ALK: variants seen among roughly 807,000 people sequenced by gnomAD.
ALK encodes ALK tyrosine kinase receptor.
In ALK, 74 loss-of-function variants were observed where a neutral mutation model predicts 163.1. The ratio of observed to expected loss-of-function variants is 0.45; its 90% CI spans 0.38 to 0.55. ALK has a LOEUF of 0.55. ALK is among the 20% of genes least tolerant of loss of function. ALK has a pLI of 0.00. For synonymous variants in ALK, 960 were observed against 843.2 expected (o/e 1.14, Z -2.40); for missense variants, 2,063 against 2,105.3 (o/e 0.98, Z 0.39).
intron 3 of ALK, among the ~76,000 whole-genome samples, chr2:29,547,792 C>A (rs1673596243): frequency 6.6e-6 from 1 of 152,108 alleles, no homozygotes; most frequent in Non-Finnish European, 1.5e-5. Context: ...ATAGGAACAG[C>A]CATGTGACAC....
chr2:29,318,981 A>G (rs1666922195), intron 7 of ALK: 1 of 158,240 alleles, frequency 6.3e-6, no homozygotes, highest in African/African-American at 2.4e-5. Flanking sequence ...CCTGAAGCAC[A>G]CTGGCCTCCC....
At chr2:29,491,629 A>G (rs1449255643) in intron 4 of ALK, among the ~76,000 whole-genome samples, 1 of 152,220 alleles carries the variant, frequency 6.6e-6, no homozygotes, top group Non-Finnish European at 1.5e-5. Context: ...TGAGGAGAGG[A>G]GTGTCTCAGC....
chr2:29,269,288 G>T (rs80293761), intron 11 of ALK, among the ~76,000 whole-genome samples: 7,940 of 152,264 alleles, frequency 0.052, 247 homozygotes, highest in Middle Eastern at 0.078. Flanking sequence ...CCAGCCTCCA[G>T]TTCCACCCTG....
intron 1 of ALK, among the ~76,000 whole-genome samples, chr2:29,801,099 A>T (rs1013439130): frequency 5.9e-5 from 9 of 152,176 alleles, no homozygotes; most frequent in Admixed American, 2.0e-4. Flanking sequence ...CACAACCTTC[A>T]ACCTATGGAA....
At chr2:29,639,633 A>G (rs17008372) in intron 3 of ALK, among the ~76,000 whole-genome samples, 1,976 of 152,308 alleles carry the variant, frequency 0.013, 40 homozygotes, top group African/African-American at 0.046. Context: ...ATAGGCTTCT[A>G]CAGTTACAAA....
chr2:29,498,725 G>A (rs1203723858), intron 4 of ALK, among the ~76,000 whole-genome samples: 1 of 152,248 alleles, frequency 6.6e-6, no homozygotes, highest in African/African-American at 2.4e-5. Flanking sequence ...GAAGCTGTTT[G>A]TGCTCACAGC....
chr2:29,741,869 G>A (rs1008905564), intron 1 of ALK, among the ~76,000 whole-genome samples: 1 of 152,192 alleles, frequency 6.6e-6, no homozygotes, highest in African/African-American at 2.4e-5. Context: ...TTACGTGACT[G>A]GGGTCCAAAT....
At chr2:29,194,741 C>T (rs1056441188) in intron 28 of ALK, among the ~76,000 whole-genome samples, 2 of 145,032 alleles carry the variant, frequency 1.4e-5, no homozygotes, top group Admixed American at 1.5e-4. Context: ...TGGTGTCGAA[C>T]TCCTGACCTC....
At chr2:29,619,204 T>C (rs777904544) in intron 3 of ALK, among the ~76,000 whole-genome samples, 51 of 152,150 alleles carry the variant, frequency 3.4e-4, no homozygotes, top group Non-Finnish European at 5.4e-4. Context: ...AAACAATGGG[T>C]GGAAGTTGGG....
chr2:29,395,735 A>G (rs2148311138), intron 4 of ALK, among the ~76,000 whole-genome samples: 1 of 152,342 alleles, frequency 6.6e-6, no homozygotes, highest in South Asian at 2.1e-4. Context: ...CCCTAGTTCC[A>G]GAGGGTCCTG....
chr2:29,872,575 G>A (rs1297259849), intron 1 of ALK, among the ~76,000 whole-genome samples: 4 of 152,178 alleles, frequency 2.6e-5, no homozygotes, highest in Admixed American at 2.6e-4. Context: ...TGGTTGTGTG[G>A]CTGACTGGAA....
chr2:29,692,213 A>G (rs1411787720), intron 3 of ALK, among the ~76,000 whole-genome samples: 1 of 152,244 alleles, frequency 6.6e-6, no homozygotes. Flanking sequence ...ACAGCCTGAC[A>G]ATAGCAATAC....
At chr2:29,273,966 C>T (rs957309442) in intron 11 of ALK, among the ~76,000 whole-genome samples, 1 of 152,090 alleles carries the variant, frequency 6.6e-6, no homozygotes, top group Admixed American at 6.5e-5. Context: ...TTTTGTAGGA[C>T]GGGCTCCCCT....
intron 1 of ALK, among the ~76,000 whole-genome samples, chr2:29,838,868 C>T (rs1665632059): frequency 6.6e-6 from 1 of 152,008 alleles, no homozygotes; most frequent in Non-Finnish European, 1.5e-5. Flanking sequence ...TGTCAAAACT[C>T]ATCCTACTGG....
At chr2:29,783,138 C>G (rs1663886951) in intron 1 of ALK, among the ~76,000 whole-genome samples, 1 of 152,206 alleles carries the variant, frequency 6.6e-6, no homozygotes. Context: ...CTTTTTCCTA[C>G]TTTTGTCTCT....
intron 1 of ALK, among the ~76,000 whole-genome samples, chr2:29,907,504 G>A (rs532024165): frequency 2.6e-5 from 4 of 152,118 alleles, no homozygotes; most frequent in Non-Finnish European, 5.9e-5. Context: ...CAACACAATG[G>A]TCTCTCCACT....
intron 3 of ALK, among the ~76,000 whole-genome samples, chr2:29,569,108 C>G (rs1285728240): frequency 6.6e-6 from 1 of 152,162 alleles, no homozygotes; most frequent in African/African-American, 2.4e-5. Context: ...GCCCCACCAG[C>G]AAGCCCTCTG....
intron 9 of ALK, among the ~76,000 whole-genome samples, chr2:29,285,935 A>T (rs1456703825): frequency 1.3e-5 from 2 of 152,104 alleles, no homozygotes; most frequent in Non-Finnish European, 2.9e-5. Flanking sequence ...ACTCTCTCCC[A>T]AAAAGATTTC....
At chr2:29,255,739 C>T (rs1194484939) in intron 11 of ALK, among the ~76,000 whole-genome samples, 1 of 152,178 alleles carries the variant, frequency 6.6e-6, no homozygotes, top group Admixed American at 6.5e-5. Flanking sequence ...CAGAACCTTA[C>T]TTAATACCAG....
Sources: allele counts gnomAD v4.1 joint callset (sites outside exome capture counted in the v4.1 genomes callset), GRCh38; gene constraint gnomAD v4.1.1; transcripts MANE v1.5; gene names NCBI Gene and HGNC (gene_info 2026-07-23, HGNC 2026-07-21).